Variants in TCF7L1 observed in about 807,000 individuals in gnomAD.
TCF7L1 encodes transcription factor 7-like 1.
TCF7L1 carries 18 observed loss-of-function variants against 63.7 expected under a neutral mutation model. That is an observed-to-expected ratio of 0.28 (90% CI 0.20 to 0.42). The LOEUF is 0.42. Among genes scored for constraint, TCF7L1 ranks in the 10% least tolerant of loss-of-function variants. The probability of loss-of-function intolerance (pLI) is 1.00; values close to 1 mark genes in which losing one functional copy is unlikely to be tolerated. For synonymous variants in TCF7L1, 355 were observed against 340.9 expected, an observed-to-expected ratio of 1.04 and a Z score of -0.46; for missense variants, 654 against 779.3, an observed-to-expected ratio of 0.84 and a Z score of 1.91.
At chr2:85,212,184 G>C (rs1298450230) in intron 3 of TCF7L1, among the ~76,000 whole-genome samples, 2 of 151,492 alleles carry the variant, frequency 1.3e-5, no homozygotes, top group Non-Finnish European at 2.9e-5. Flanking sequence ...TTCCTACACG[G>C]TAACAGTCAG....
intron 4 of TCF7L1, 142 bp downstream of exon 4, chr2:85,283,720 T>C: frequency 1.1e-6 from 1 of 879,506 alleles, no homozygotes; most frequent in Non-Finnish European, 1.9e-6. Flanking sequence ...AAGAGCTGAG[T>C]GCTTGGGGCT....
chr2:85,282,202 G>A lies in TCF7L1; in HGVS notation c.442-1293G>A, dbSNP rs184277564. Among the ~76,000 whole-genome samples the A allele has an allele frequency of 2.1e-4, 32 of 152,150 alleles. No individual in the cohort carries two copies. In the East Asian group the frequency reaches 5.0e-3, roughly 24 times the overall value. On this transcript the variant is annotated intron_variant, in intron 3 of 11. Coordinates refer to ENST00000282111, the MANE Select transcript of TCF7L1 (RefSeq NM_031283.3). ...GAAGTTTCACCATGTTGGCCAGGCT[G>A]GTCTTGAACTCCTGACCTCAAGTGA...
intron 3 of TCF7L1, among the ~76,000 whole-genome samples, chr2:85,215,358 G>A (rs559816244): frequency 6.8e-4 from 104 of 152,180 alleles, no homozygotes; most frequent in Non-Finnish European, 1.4e-3. Context: ...GCGTTCGAGG[G>A]AACTCCAGGG....
In TCF7L1 at chr2:85,133,781, G is replaced by T; in HGVS notation, c.97G>T (p.Gly33Trp). The T allele has an allele frequency of 7.4e-7, 1 of 1,343,384 alleles. No homozygotes were observed. Among genetic ancestry groups the T allele is most frequent in the Non-Finnish European group, 9.6e-7 (1 of 1,043,168 alleles). The allele number at this position is 1,343,384 out of a possible 1,614,324, so 83.2% of individuals were successfully genotyped here. ...GGCGGCCGGCGGAGGGGACGACCTC[G>T]GGGCGAACGACGAGCTGATCCCCTT... ...AGAAGGGDDL[G>W]ANDELIPFQD... is the part of the protein sequence containing the mutation. The change falls in exon 1 of 12, where the codon GGG becomes TGG. Residue 33 changes from glycine to tryptophan, a missense_variant. Coordinates refer to ENST00000282111, the MANE Select transcript of TCF7L1 (RefSeq NM_031283.3). The surrounding 1 kb of genome is among the most constrained non-coding windows in gnomAD (Gnocchi z 4.4).
intron 3 of TCF7L1, among the ~76,000 whole-genome samples, chr2:85,188,830 A>G (rs1330073807): frequency 6.6e-6 from 1 of 152,242 alleles, no homozygotes; most frequent in East Asian, 1.9e-4. Context: ...TAAAACTGCT[A>G]CTTGGTCACA....
At chr2:85,235,801 T>C (rs1680177713) in intron 3 of TCF7L1, among the ~76,000 whole-genome samples, 3 of 152,058 alleles carry the variant, frequency 2.0e-5, no homozygotes, top group Admixed American at 2.0e-4. Flanking sequence ...GTGGGAGCAC[T>C]GCTTGAGCCC....
intron 7 of TCF7L1, among the ~76,000 whole-genome samples, chr2:85,304,661 C>T (rs113610016): frequency 2.6e-5 from 4 of 152,276 alleles, no homozygotes; most frequent in African/African-American, 9.6e-5. Flanking sequence ...ATAAACCCGT[C>T]GTACATTGAA....
At chr2:85,292,611 C>G (rs1681753299) in intron 4 of TCF7L1, among the ~76,000 whole-genome samples, 1 of 152,170 alleles carries the variant, frequency 6.6e-6, no homozygotes, top group Non-Finnish European at 1.5e-5. Context: ...GGGTCTTGCT[C>G]TGTCACCCAG....
intron 3 of TCF7L1, among the ~76,000 whole-genome samples, chr2:85,256,982 T>TAA (rs34200258): frequency 3.0e-4 from 44 of 148,190 alleles, no homozygotes; most frequent in East Asian, 1.8e-3. Flanking sequence ...GACTCTGTCT[T>TAA]AAAAAAAAAA....
intron 3 of TCF7L1, among the ~76,000 whole-genome samples, chr2:85,174,234 T>C (rs1053506412): frequency 6.6e-6 from 1 of 152,134 alleles, no homozygotes; most frequent in African/African-American, 2.4e-5. Context: ...AATCGTACAG[T>C]GTGTGGTCTT....
At position 85,133,855 on chromosome 2, in the gene TCF7L1, G is replaced by C; in HGVS notation, c.171G>C (p.Ser57=). 1 of 1,509,692 alleles carries C rather than the reference G, an allele frequency of 6.6e-7. No homozygotes were observed. Among genetic ancestry groups the C allele is most frequent in the Non-Finnish European group, 8.9e-7 (1 of 1,128,744 alleles). 93.5% of individuals were successfully genotyped at this position (1,509,692 alleles called of 1,614,324 possible). Residue 57 remains serine, a synonymous_variant, in exon 1 of 12, where the codon TCG becomes TCC. Coordinates refer to ENST00000282111, the MANE Select transcript of TCF7L1 (RefSeq NM_031283.3). The surrounding 1 kb of genome is among the most constrained non-coding windows in gnomAD (Gnocchi z 4.4). ...AGGAGCCGAGCAGCGATAGCGCCTC[G>C]GCGCAGCGGGACCTAGACGAGGTCA... ...EEQEPSSDSA[S]AQRDLDEVKS...
At chr2:85,160,983 G>A (rs1201255642) in intron 3 of TCF7L1, among the ~76,000 whole-genome samples, 1 of 152,236 alleles carries the variant, frequency 6.6e-6, no homozygotes, top group African/African-American at 2.4e-5. Context: ...TCCGTGTGGA[G>A]GAATGAGGAC....
intron 7 of TCF7L1, 140 bp from the exon 8 acceptor site, chr2:85,305,120 A>G: frequency 8.6e-7 from 1 of 1,167,824 alleles, no homozygotes; most frequent in Admixed American, 1.8e-5. Flanking sequence ...CTAGAAGACG[A>G]CAAATAGCCT....
intron 3 of TCF7L1, among the ~76,000 whole-genome samples, chr2:85,161,410 G>A (rs1284151618): frequency 6.6e-6 from 1 of 152,238 alleles, no homozygotes; most frequent in Non-Finnish European, 1.5e-5. Flanking sequence ...TTTGCAGCAG[G>A]GAGAAGCTGG....
rs575127231 is a variant in TCF7L1, at chr2:85,240,444, A to G, written c.442-43051A>G. ...TCCTGTTTCTAACAGTTCCCGTGTTAGAGGTGAAGGAGATAACTGAGAAAC... is the reference window on the plus strand; with the variant it reads ...TCCTGTTTCTAACAGTTCCCGTGTTGGAGGTGAAGGAGATAACTGAGAAAC... On this transcript the variant is annotated intron_variant, in intron 3 of 11. Coordinates refer to ENST00000282111, the MANE Select transcript of TCF7L1 (RefSeq NM_031283.3). Among the ~76,000 whole-genome samples, 5 of 152,286 alleles carry G rather than the reference A, an allele frequency of 3.3e-5. No homozygotes were observed. In the East Asian group the frequency reaches 9.6e-4, roughly 29 times the overall value.
intron 3 of TCF7L1, among the ~76,000 whole-genome samples, chr2:85,241,431 GTTTTTGTTTTTT>G (rs1366164685): frequency 0.037 from 2,513 of 68,456 alleles, 63 homozygotes; most frequent in Non-Finnish European, 0.056. Context: ...GATGCACTTT[GTTTTTGTTTTTT>G]TTTTTTTTTT....
chr2:85,134,011 C>T lies in TCF7L1; in HGVS notation c.250-5C>T, dbSNP rs200451460. ...CCCGCTCTTGCCTTTGTGTCTCCTC[C>T]GCAGGCGGAGAGGCGCCCGCAGCCC... is the stretch of plus-strand genomic sequence containing the variant. On this transcript the variant is annotated splice_region_variant and splice_polypyrimidine_tract_variant and intron_variant, in intron 1 of 11. Transcript: ENST00000282111. The surrounding 1 kb of genome is among the most constrained non-coding windows in gnomAD (Gnocchi z 5.0). 5.0e-6 allele frequency: 8 copies of T among 1,609,618 alleles called. No homozygotes were observed. The highest frequency in any genetic ancestry group is 1.7e-5 in the Admixed American group (1 of 59,764).
intron 3 of TCF7L1, among the ~76,000 whole-genome samples, chr2:85,140,909 G>GAGAC (rs1553393093): frequency 1.2e-5 from 1 of 83,728 alleles, no homozygotes; most frequent in Non-Finnish European, 2.3e-5. Context: ...AAGAGAGAGA[G>GAGAC]AGACAGAAGA....
intron 3 of TCF7L1, among the ~76,000 whole-genome samples, chr2:85,225,196 T>G (rs1253849390): frequency 6.6e-6 from 1 of 152,238 alleles, no homozygotes. Flanking sequence ...TGTAGTATAT[T>G]TGAAGTCAGG....
Sources: allele counts gnomAD v4.1 joint callset (sites outside exome capture counted in the v4.1 genomes callset), GRCh38; gene constraint gnomAD v4.1.1; non-coding constraint Gnocchi (gnomAD v3.1); transcripts MANE v1.5; gene names NCBI Gene and HGNC (gene_info 2026-07-23, HGNC 2026-07-21).